Variants in EYA4 observed in about 807,000 individuals in gnomAD.
The protein encoded by EYA4 is protein phosphatase EYA4.
Under a neutral mutation model 87.9 loss-of-function variants are expected in EYA4, and 31 were observed. That is an observed-to-expected ratio of 0.35 (90% CI 0.27 to 0.48). EYA4 has a LOEUF of 0.48. EYA4 is among the 20% of genes least tolerant of loss of function. The pLI, the probability that EYA4 is intolerant of heterozygous loss-of-function variation, is 0.99. For synonymous variants in EYA4, 263 were observed against 270.6 expected (o/e 0.97, Z 0.28); for missense variants, 678 against 761.4 (o/e 0.89, Z 1.29).
intron 2 of EYA4, among the ~76,000 whole-genome samples, chr6:133,297,152 A>G (rs1027886555): frequency 2.6e-5 from 4 of 152,026 alleles, no homozygotes; most frequent in African/African-American, 9.7e-5. Context: ...TTTTTTATGA[A>G]TGTGTCTACA....
intron 3 of EYA4, among the ~76,000 whole-genome samples, chr6:133,389,363 T>C (rs1042384859): frequency 6.6e-6 from 1 of 152,180 alleles, no homozygotes; most frequent in Non-Finnish European, 1.5e-5. Flanking sequence ...GGTACCATGT[T>C]CTTCTCCTTC....
chr6:133,263,467 C>T (rs894442032), intron 1 of EYA4, among the ~76,000 whole-genome samples: 2 of 152,102 alleles, frequency 1.3e-5, no homozygotes, highest in African/African-American at 2.4e-5. Context: ...GGATATGAAA[C>T]GTTTCCAAGT....
intron 2 of EYA4, among the ~76,000 whole-genome samples, chr6:133,348,247 C>T (rs1031572885): frequency 2.0e-5 from 3 of 148,168 alleles, no homozygotes; most frequent in Admixed American, 1.4e-4. Flanking sequence ...TCTTCCTCCT[C>T]ATCTCTTCAA....
At chr6:133,321,780 A>G (rs12524250) in intron 2 of EYA4, among the ~76,000 whole-genome samples, 72,256 of 151,898 alleles carry the variant, frequency 0.48, 17,505 homozygotes, top group Middle Eastern at 0.54. Flanking sequence ...GATGAAATTG[A>G]GTATGAGATG....
At chr6:133,393,400 A>ACTCCTTT (rs1220976608) in intron 3 of EYA4, among the ~76,000 whole-genome samples, 22 of 152,340 alleles carry the variant, frequency 1.4e-4, no homozygotes, top group African/African-American at 5.1e-4. Context: ...GTTAGAAGGT[A>ACTCCTTT]ATACATAACC....
chr6:133,528,449 GA>G (rs1800807678), intron 19 of EYA4, among the ~76,000 whole-genome samples: 1 of 152,096 alleles, frequency 6.6e-6, no homozygotes, highest in Non-Finnish European at 1.5e-5. Flanking sequence ...GATACTTCCA[GA>G]ATAAATATTA....
intron 1 of EYA4, among the ~76,000 whole-genome samples, chr6:133,259,300 A>G (rs1018244656): frequency 1.1e-4 from 16 of 152,222 alleles, no homozygotes; most frequent in African/African-American, 3.6e-4. Flanking sequence ...CTAATATCTA[A>G]CAGCCTGCCA....
chr6:133,462,865 G>A, intron 9 of EYA4, 101 bp downstream of exon 9: 1 of 1,080,122 alleles, frequency 9.3e-7, no homozygotes, highest in Non-Finnish European at 1.4e-6. Context: ...GTAGTTTTAA[G>A]CTTTATCACA....
chr6:133,503,534 G>A (rs548076820), intron 13 of EYA4, among the ~76,000 whole-genome samples: 1 of 151,980 alleles, frequency 6.6e-6, no homozygotes, highest in South Asian at 2.1e-4. Context: ...TTATTGTCTT[G>A]CATCAGTGAA....
intron 2 of EYA4, among the ~76,000 whole-genome samples, chr6:133,350,013 T>C (rs547685673): frequency 6.6e-6 from 1 of 152,238 alleles, no homozygotes; most frequent in Non-Finnish European, 1.5e-5. Flanking sequence ...GTAGAAAATG[T>C]AGGACATGAA....
rs1040409155 is a variant in EYA4, at chr6:133,452,686, C to T, written c.278-3870C>T. Among the ~76,000 whole-genome samples the T allele has an allele frequency of 9.2e-5, 14 of 152,106 alleles. No homozygotes were observed. In the East Asian group the frequency reaches 1.4e-3, roughly 15 times the overall value. On this transcript the variant is annotated intron_variant, in intron 5 of 19. Transcript: ENST00000355286. ...TTTTAAAGCTAAAAAAATGGAAAAG[C>T]CAATCATGTATGTTTATTTATTTTT...
intron 2 of EYA4, among the ~76,000 whole-genome samples, chr6:133,312,785 G>C (rs1031398708): frequency 2.0e-5 from 3 of 151,840 alleles, no homozygotes; most frequent in Non-Finnish European, 4.4e-5. Flanking sequence ...CTCTTTTTCT[G>C]CTTCTAAGAA....
At chr6:133,489,150 A>C (rs568300093) in intron 13 of EYA4, among the ~76,000 whole-genome samples, 1 of 152,232 alleles carries the variant, frequency 6.6e-6, no homozygotes, top group Non-Finnish European at 1.5e-5. Flanking sequence ...GAATTGATAA[A>C]GCAGAAAAAA....
chr6:133,311,533 G>A (rs2128333618), intron 2 of EYA4, among the ~76,000 whole-genome samples: 1 of 151,766 alleles, frequency 6.6e-6, no homozygotes, highest in Non-Finnish European at 1.5e-5. Flanking sequence ...TGCCCAGGCT[G>A]GTCTCAAAAA....
intron 3 of EYA4, among the ~76,000 whole-genome samples, chr6:133,431,942 T>C (rs1304597476): frequency 1.2e-5 from 1 of 84,690 alleles, no homozygotes; most frequent in Non-Finnish European, 2.3e-5. Context: ...AATAGTCCAT[T>C]TTCTTGATTT....
chr6:133,509,920 T>C lies in EYA4; in HGVS notation c.1282-2801T>C, dbSNP rs185080621. ...AATTGAAGGACAATTATTTAGCTTTTTCTAAAAATGTAAATAATGGAAGTT... is the reference window on the plus strand; with the variant it reads ...AATTGAAGGACAATTATTTAGCTTTCTCTAAAAATGTAAATAATGGAAGTT... On this transcript the variant is annotated intron_variant, in intron 14 of 19. Coordinates refer to ENST00000355286, the MANE Select transcript of EYA4 (RefSeq NM_004100.5). Among the ~76,000 whole-genome samples the C allele has an allele frequency of 3.0e-4, 46 of 152,330 alleles. No homozygotes were observed. In the East Asian group the frequency reaches 7.5e-3, roughly 25 times the overall value.
chr6:133,318,619 CT>C (rs780824574), intron 2 of EYA4, among the ~76,000 whole-genome samples: 2,087 of 107,774 alleles, frequency 0.019, 37 homozygotes, highest in African/African-American at 0.055. Context: ...TTAAGCCATT[CT>C]TTTTTTTTTT....
chr6:133,524,576 A>T (rs1375843346), intron 18 of EYA4, among the ~76,000 whole-genome samples: 1 of 152,198 alleles, frequency 6.6e-6, no homozygotes, highest in Non-Finnish European at 1.5e-5. Flanking sequence ...CACCCACTTG[A>T]AGAAAGGTGT....
chr6:133,313,350 A>G lies in EYA4; in HGVS notation c.33+38537A>G, dbSNP rs539023126. Among the ~76,000 whole-genome samples the G allele has an allele frequency of 2.6e-5, 4 of 152,324 alleles. No homozygotes were observed. In the East Asian group the frequency reaches 7.7e-4, roughly 29 times the overall value. On this transcript the variant is annotated intron_variant, in intron 2 of 19. Transcript: ENST00000355286. ...TCTATTCTTCACATTGCCTGGAGAA[A>G]GTTAGAATAGAGGTGGAGATTGAGT...
Sources: allele counts gnomAD v4.1 joint callset (sites outside exome capture counted in the v4.1 genomes callset), GRCh38; gene constraint gnomAD v4.1.1; transcripts MANE v1.5; gene names NCBI Gene and HGNC (gene_info 2026-07-23, HGNC 2026-07-21).